The following PRKAA2 variants were observed in gnomAD, a reference collection of about 807,000 sequenced individuals.
PRKAA2 encodes 5'-AMP-activated protein kinase catalytic subunit alpha-2.
Under a neutral mutation model 56.3 loss-of-function variants are expected in PRKAA2, and 40 were observed. The observed-to-expected ratio is 0.71, with a 90% confidence interval of 0.55 to 0.92. The LOEUF (loss-of-function observed/expected upper bound fraction) is 0.92. Among genes scored for constraint, PRKAA2 ranks in the 40% least tolerant of loss-of-function variants. The pLI is 0.00. For missense variants in PRKAA2, 542 were observed against 686.9 expected (o/e 0.79, Z 2.36); for synonymous variants, 214 against 234.2 (o/e 0.91, Z 0.79).
At chr1:56,651,929 C>T (rs2100379010) in intron 1 of PRKAA2, among the ~76,000 whole-genome samples, 1 of 151,696 alleles carries the variant, frequency 6.6e-6, no homozygotes, top group East Asian at 1.9e-4. Flanking sequence ...GCAAGCTCCG[C>T]CTCCTGGGTT....
intron 7 of PRKAA2, among the ~76,000 whole-genome samples, 176 bp from the exon 8 acceptor site, chr1:56,705,916 C>A (rs937735693): frequency 6.6e-6 from 1 of 152,110 alleles, no homozygotes; most frequent in Non-Finnish European, 1.5e-5. Context: ...ATCTTAATTG[C>A]CATACAGTAC....
At chr1:56,692,232 T>G (rs530071052) in intron 3 of PRKAA2, 126 bp from the exon 4 acceptor site, 105 of 1,090,998 alleles carry the variant, frequency 9.6e-5, no homozygotes, top group Non-Finnish European at 1.3e-4. Context: ...GAGTTTCACC[T>G]TATTGGTCAG....
chr1:56,687,813 T>A (rs1160082795), intron 2 of PRKAA2, among the ~76,000 whole-genome samples: 2 of 152,160 alleles, frequency 1.3e-5, no homozygotes, highest in Non-Finnish European at 2.9e-5. Context: ...TTTGGCTAAC[T>A]TTGGAAAGAT....
intron 8 of PRKAA2, 103 bp from the exon 9 acceptor site, chr1:56,707,372 T>A (rs1233004600): frequency 2.2e-6 from 2 of 917,368 alleles, no homozygotes; most frequent in Non-Finnish European, 3.4e-6. Context: ...AAGTTGCCCT[T>A]GCTCAGATGT....
chr1:56,689,006 C>G (rs897198345), intron 2 of PRKAA2, among the ~76,000 whole-genome samples: 1 of 152,130 alleles, frequency 6.6e-6, no homozygotes, highest in Non-Finnish European at 1.5e-5. Flanking sequence ...ACAGTGGCTG[C>G]TAAGGATTTA....
chr1:56,658,445 G>A (rs1643963055), intron 1 of PRKAA2, among the ~76,000 whole-genome samples: 2 of 152,126 alleles, frequency 1.3e-5, no homozygotes, highest in South Asian at 2.1e-4. Context: ...GGTTTATGAC[G>A]CTTTGGGATA....
chr1:56,707,540 C>T lies in PRKAA2; in HGVS notation c.1486C>T (p.His496Tyr). The change falls in exon 9 of 9, where the codon CAC becomes TAC. Residue 496 changes from histidine to tyrosine, a missense_variant. Coordinates refer to ENST00000371244, the MANE Select transcript of PRKAA2 (RefSeq NM_006252.4). ...GCGTTCCTGTTCTGCTGCTGGCTTA[C>T]ACAGACCAAGATCAAGTTTTGATTC... is the stretch of plus-strand genomic sequence containing the variant. ...PQRSCSAAGL[H>Y]RPRSSFDSTT... 6.2e-7 allele frequency: 1 copy of T among 1,614,194 alleles called. No homozygotes were observed. The highest frequency in any genetic ancestry group is 8.5e-7 in the Non-Finnish European group (1 of 1,180,018).
At chr1:56,692,783 GT>G (rs1009193917) in intron 4 of PRKAA2, among the ~76,000 whole-genome samples, 1 of 141,968 alleles carries the variant, frequency 7.0e-6, no homozygotes, top group South Asian at 2.2e-4. Flanking sequence ...ATGCATAACT[GT>G]TTTTTTGTTT....
At position 56,709,763 on chromosome 1, in the gene PRKAA2, T is replaced by A. The variant is rs1387671427; in HGVS notation, c.*2050T>A. 3 of 152,186 alleles carry A rather than the reference T, an allele frequency of 2.0e-5. No individual in the cohort carries two copies. Among genetic ancestry groups the A allele is most frequent in the African/African-American group, 7.2e-5 (3 of 41,458 alleles). 9.4% of individuals were successfully genotyped at this position (152,186 alleles called of 1,614,324 possible). A position where few individuals can be genotyped will look rare whatever the true frequency, so the allele number is the denominator to read the frequency against. ...TCCAGTGATGTTTTAGCTCCATTAG[T>A]CTAATAGGTCAGATATTAAAAAATT... On this transcript the variant is annotated 3_prime_UTR_variant, in exon 9 of 9. Coordinates refer to ENST00000371244, the MANE Select transcript of PRKAA2 (RefSeq NM_006252.4).
At chr1:56,663,875 A>G (rs1644013719) in intron 1 of PRKAA2, among the ~76,000 whole-genome samples, 1 of 152,140 alleles carries the variant, frequency 6.6e-6, no homozygotes, top group African/African-American at 2.4e-5. Context: ...AGAGGTAGGA[A>G]GATCGCTTGA....
chr1:56,652,464 A>G (rs986990163), intron 1 of PRKAA2, among the ~76,000 whole-genome samples: 2 of 152,218 alleles, frequency 1.3e-5, no homozygotes, highest in Non-Finnish European at 2.9e-5. Flanking sequence ...AGTGATTGCC[A>G]GTAACCTTTA....
chr1:56,645,510 G>T, intron 1 of PRKAA2, 29 bp downstream of exon 1: 1 of 1,445,188 alleles, frequency 6.9e-7, no homozygotes, highest in Non-Finnish European at 9.2e-7. Flanking sequence ...ACCGCTGTGC[G>T]GGGCTGCCTG....
chr1:56,697,106 C>T (rs927978510), intron 6 of PRKAA2, among the ~76,000 whole-genome samples: 2 of 143,000 alleles, frequency 1.4e-5, no homozygotes, highest in Admixed American at 7.6e-5. Context: ...CTCAACCTCC[C>T]AAGCTGAGGT....
chr1:56,668,963 G>A (rs778016551), intron 1 of PRKAA2, among the ~76,000 whole-genome samples: 23 of 152,174 alleles, frequency 1.5e-4, no homozygotes, highest in African/African-American at 4.8e-4. Flanking sequence ...AACCGAAATC[G>A]TCAAGAGGCA....
At chr1:56,672,198 A>T (rs890067065) in intron 1 of PRKAA2, among the ~76,000 whole-genome samples, 1 of 151,792 alleles carries the variant, frequency 6.6e-6, no homozygotes, top group African/African-American at 2.4e-5. Context: ...GGTTACTACA[A>T]CCTCCGCCTC....
intron 1 of PRKAA2, among the ~76,000 whole-genome samples, chr1:56,670,619 A>G (rs1321420995): frequency 1.3e-5 from 2 of 152,176 alleles, no homozygotes; most frequent in African/African-American, 4.8e-5. Context: ...AGTTTGATGT[A>G]TGGGAGAAAG....
rs1054026060 is a variant in PRKAA2, at chr1:56,681,690, C to G, written c.236+7168C>G. Among the ~76,000 whole-genome samples the G allele has an allele frequency of 2.6e-5, 4 of 152,164 alleles. No individual in the cohort carries two copies. The South Asian group carries it at 6.2e-4, about 24-fold the overall frequency. On this transcript the variant is annotated intron_variant, in intron 2 of 8. Coordinates refer to ENST00000371244, the MANE Select transcript of PRKAA2 (RefSeq NM_006252.4). ...TAGATGTGTGGTATTATTTCTGAGG[C>G]CTCTGCTCTGTTCCATTGGTCTATA...
intron 2 of PRKAA2, among the ~76,000 whole-genome samples, chr1:56,687,058 AT>A (rs1266097047): frequency 3.3e-5 from 5 of 151,684 alleles, no homozygotes; most frequent in Admixed American, 1.3e-4. Context: ...CTAATTTTTT[AT>A]TTTTAGTAGA....
chr1:56,652,050 G>A (rs1180388230), intron 1 of PRKAA2, among the ~76,000 whole-genome samples: 1 of 125,202 alleles, frequency 8.0e-6, no homozygotes, highest in Non-Finnish European at 1.6e-5. Context: ...ATCTTGCTCT[G>A]TCACCAGTCT....
Sources: gnomAD v4.1 joint callset for allele counts (sites outside exome capture counted in the v4.1 genomes callset) on GRCh38, gnomAD v4.1.1 for gene constraint, MANE v1.5 for transcripts, NCBI Gene and HGNC (gene_info 2026-07-23, HGNC 2026-07-21) for gene names.